CDH10: variants seen among roughly 807,000 people sequenced by gnomAD.
The protein encoded by CDH10 is cadherin 10, also known as cadherin-10.
A neutral mutation model predicts 73.1 loss-of-function variants in CDH10; 30 were observed. The ratio of observed to expected loss-of-function variants is 0.41; its 90% CI spans 0.31 to 0.56. CDH10 has a LOEUF of 0.56. Among genes scored for constraint, CDH10 ranks in the 20% least tolerant of loss-of-function variants. CDH10 has a pLI of 0.27. For missense variants in CDH10, 815 were observed against 973.7 expected (o/e 0.84, Z 2.17); for synonymous variants, 345 against 348.2 (o/e 0.99, Z 0.10).
intron 8 of CDH10, among the ~76,000 whole-genome samples, chr5:24,504,286 G>T (rs1486831806): frequency 6.6e-6 from 1 of 151,922 alleles, no homozygotes; most frequent in Admixed American, 6.6e-5. Context: ...TCAAAAATGG[G>T]AAGTGAGGCC....
In CDH10 at chr5:24,640,891, TA is replaced by T. The variant is rs200885735; in HGVS notation, c.-124+3702del. Among the ~76,000 whole-genome samples, 872 of 152,038 alleles carry T rather than the reference TA, an allele frequency of 5.7e-3. 16 individuals carry two copies. The highest frequency in any genetic ancestry group is 0.016 in the East Asian group (84 of 5,178). ...GATGAAAATAAAGCACTTTCATTCTTAAAAAAATCAAGAGTTACTTTTTTGT... is the reference window on the plus strand; with the variant it reads ...GATGAAAATAAAGCACTTTCATTCTTAAAAAATCAAGAGTTACTTTTTTGT... On this transcript the variant is annotated intron_variant, in intron 1 of 11. Transcript: ENST00000264463.
intron 1 of CDH10, among the ~76,000 whole-genome samples, chr5:24,642,977 CAA>C (rs35064864): frequency 6.9e-6 from 1 of 144,430 alleles, no homozygotes. Flanking sequence ...ATAACACAGC[CAA>C]AAAAAAAAAA....
At chr5:24,565,035 C>A (rs1055738428) in intron 2 of CDH10, among the ~76,000 whole-genome samples, 3 of 152,188 alleles carry the variant, frequency 2.0e-5, no homozygotes, top group Admixed American at 2.0e-4. Flanking sequence ...TGACTCTCTA[C>A]ATCAGCTCCC....
intron 6 of CDH10, among the ~76,000 whole-genome samples, chr5:24,510,601 T>C (rs1742868889): frequency 6.6e-6 from 1 of 152,220 alleles, no homozygotes; most frequent in Non-Finnish European, 1.5e-5. Context: ...ACAAGACAGC[T>C]GCTTTCCCAT....
intron 1 of CDH10, among the ~76,000 whole-genome samples, chr5:24,605,641 T>C (rs1445716713): frequency 6.6e-6 from 1 of 152,194 alleles, no homozygotes; most frequent in Non-Finnish European, 1.5e-5. Context: ...CATAGACACT[T>C]TAGAAAACAA....
At chr5:24,620,421 C>T (rs1233193371) in intron 1 of CDH10, among the ~76,000 whole-genome samples, 5 of 152,028 alleles carry the variant, frequency 3.3e-5, no homozygotes, top group Non-Finnish European at 7.4e-5. Flanking sequence ...TAAAATGAAT[C>T]AGCCTTAATG....
rs56131503 is a variant in CDH10 at position 24,511,858 on chromosome 5, T to A, written c.815-344A>T. 9.9e-3 allele frequency among the ~76,000 whole-genome samples: 1,510 copies of A among 152,230 alleles called. 27 individuals are homozygous for A. The highest frequency in any genetic ancestry group is 0.035 in the African/African-American group (1,438 of 41,554). On this transcript the variant is annotated intron_variant, in intron 5 of 11. Coordinates refer to ENST00000264463, the MANE Select transcript of CDH10 (RefSeq NM_006727.5). ...GGAACATGGATAGAGGTGGAGGCCA[T>A]TATCCTTAACACACTAATGCAGGAA...
rs1356978438 is a variant in CDH10, at chr5:24,596,238, A to G, written c.-123-2625T>C. Among the ~76,000 whole-genome samples the G allele has an allele frequency of 2.0e-5, 3 of 152,058 alleles. No individual in the cohort carries two copies. The East Asian group carries it at 5.8e-4, about 29-fold the overall frequency. ...TGTGACTTTAGTATAAATATCACTAATAATCATCCTTCCAGTAACCTAACC... is the reference window on the plus strand; with the variant it reads ...TGTGACTTTAGTATAAATATCACTAGTAATCATCCTTCCAGTAACCTAACC... On this transcript the variant is annotated intron_variant, in intron 1 of 11. Transcript: ENST00000264463.
intron 2 of CDH10, among the ~76,000 whole-genome samples, chr5:24,560,289 C>T (rs564130356): frequency 3.0e-4 from 45 of 150,918 alleles, no homozygotes; most frequent in Admixed American, 7.3e-4. Flanking sequence ...TTGCATGCTT[C>T]CTGCATATTA....
rs1345633046 is a variant in CDH10, at chr5:24,581,494, C to T, written c.231+11766G>A. Among the ~76,000 whole-genome samples the T allele has an allele frequency of 2.6e-5, 4 of 152,098 alleles. No homozygotes were observed. In the East Asian group the frequency reaches 5.8e-4, roughly 22 times the overall value. ...ACAACTATAAGAATAATATGTCTCA[C>T]ATTTATTTTGAATTTCCTGTATTTC... On this transcript the variant is annotated intron_variant, in intron 2 of 11. Transcript: ENST00000264463.
At chr5:24,573,285 T>C (rs1240842989) in intron 2 of CDH10, among the ~76,000 whole-genome samples, 2 of 151,582 alleles carry the variant, frequency 1.3e-5, no homozygotes, top group Non-Finnish European at 2.9e-5. Flanking sequence ...TGAAAGAGAA[T>C]ACAAGACGAA....
At chr5:24,559,659 CATG>C (rs958868110) in intron 2 of CDH10, among the ~76,000 whole-genome samples, 1 of 151,916 alleles carries the variant, frequency 6.6e-6, no homozygotes, top group Non-Finnish European at 1.5e-5. Context: ...GATGAGTCTG[CATG>C]ATAATGAAAC....
rs1561115366 is a variant in CDH10, at chr5:24,487,510, GAATT to G, written c.*149_*152del. ...ATTCCATGAGACATCCTACAGGAAA[GAATT>G]AATGTAATTAATGAACAAATTAAGA... On this transcript the variant is annotated 3_prime_UTR_variant, in exon 12 of 12. Transcript: ENST00000264463. 6 of 689,182 alleles carry G rather than the reference GAATT, an allele frequency of 8.7e-6. No individual in the cohort carries two copies. The highest frequency in any genetic ancestry group is 5.1e-5 in the East Asian group (2 of 39,018). 42.7% of individuals were successfully genotyped at this position (689,182 alleles called of 1,614,324 possible). A position where few individuals can be genotyped will look rare whatever the true frequency, so the allele number is the denominator to read the frequency against.
chr5:24,575,542 T>C (rs62349608), intron 2 of CDH10, among the ~76,000 whole-genome samples: 57,621 of 151,488 alleles, frequency 0.38, 13,225 homozygotes, highest in East Asian at 0.53. Context: ...TTTGTTAAAA[T>C]ATAATATTTT....
intron 8 of CDH10, among the ~76,000 whole-genome samples, chr5:24,503,969 T>C (rs1742590559): frequency 6.6e-6 from 1 of 152,142 alleles, no homozygotes; most frequent in African/African-American, 2.4e-5. Context: ...AGATCCTAAT[T>C]ATTAGTGTGC....
intron 2 of CDH10, among the ~76,000 whole-genome samples, chr5:24,584,786 A>G (rs1745932877): frequency 6.6e-6 from 1 of 150,730 alleles, no homozygotes; most frequent in South Asian, 2.1e-4. Flanking sequence ...CCTTTTTACT[A>G]TCCACATCAT....
chr5:24,526,569 C>G (rs144036382), intron 5 of CDH10, among the ~76,000 whole-genome samples: 2 of 151,710 alleles, frequency 1.3e-5, no homozygotes, highest in South Asian at 4.1e-4. Flanking sequence ...TAAACACTTC[C>G]GGTAGAAAGC....
rs1349520512 is a variant in CDH10, at chr5:24,595,305, C to G, written c.-123-1692G>C. 3.3e-5 allele frequency among the ~76,000 whole-genome samples: 5 copies of G among 151,914 alleles called. No homozygotes were observed. The East Asian group carries it at 9.6e-4, about 29-fold the overall frequency. On this transcript the variant is annotated intron_variant, in intron 1 of 11. Transcript: ENST00000264463. The stretch of plus-strand genomic sequence containing the variant: ...ACATCCACAGTAATTTGTTAGCAAT[C>G]TCTTTACTTTTTGTTTCATTATTAA...
At chr5:24,541,498 T>TA (rs1354212340) in intron 2 of CDH10, among the ~76,000 whole-genome samples, 5 of 152,158 alleles carry the variant, frequency 3.3e-5, no homozygotes, top group Middle Eastern at 3.4e-3. Context: ...CACTTGGATT[T>TA]AAAAAACAAA....
Sources: gnomAD v4.1 joint callset for allele counts (sites outside exome capture counted in the v4.1 genomes callset) on GRCh38, gnomAD v4.1.1 for gene constraint, MANE v1.5 for transcripts, NCBI Gene and HGNC (gene_info 2026-07-23, HGNC 2026-07-21) for gene names.